The following BRCA1 variants were observed in gnomAD, a reference collection of about 807,000 sequenced individuals.
BRCA1 encodes BRCA1 DNA repair associated.
A neutral mutation model predicts 173.7 loss-of-function variants in BRCA1; 140 were observed. That is an observed-to-expected ratio of 0.81 (90% CI 0.70 to 0.93). The LOEUF is 0.93. Among genes scored for constraint, BRCA1 ranks in the 40% least tolerant of loss-of-function variants. The pLI, the probability that BRCA1 is intolerant of heterozygous loss-of-function variation, is 0.00. For missense variants in BRCA1, 1,983 were observed against 2,172.5 expected, an observed-to-expected ratio of 0.91 and a Z score of 1.73; for synonymous variants, 662 against 756.0, an observed-to-expected ratio of 0.88 and a Z score of 2.04.
intron 21 of BRCA1, 62 bp from the exon 22 acceptor site, chr17:43,047,765 T>C (rs2152821423): frequency 1.3e-6 from 2 of 1,574,294 alleles, no homozygotes; most frequent in Non-Finnish European, 1.7e-6. Context: ...GAACTGTCAC[T>C]TCATCATTTT....
At chr17:43,157,890 G>A (rs1487638767) in intron 1 of BRCA1, among the ~76,000 whole-genome samples, 2 of 151,758 alleles carry the variant, frequency 1.3e-5, no homozygotes, top group Non-Finnish European at 2.9e-5. Flanking sequence ...CAGCTACTCC[G>A]GAGGCTGAGG....
At position 43,092,823 on chromosome 17, in the gene BRCA1, C is replaced by CAT. The variant is rs80357717; in HGVS notation, c.2706_2707dup (p.Cys903TyrfsTer98). 4 of 1,613,896 alleles carry CAT rather than the reference C, an allele frequency of 2.5e-6. No homozygotes were observed. Among genetic ancestry groups the CAT allele is most frequent in the Non-Finnish European group, 2.5e-6 (3 of 1,179,970 alleles). ...TCCTTGATTTTCTTCCTTTTGTTCA[C>CAT]ATTCAAAAGTGACTTTTGGACTTTG... On this transcript the variant is annotated frameshift_variant, in exon 10 of 23. Transcript: ENST00000357654. LOFTEE classifies it high-confidence loss of function.
chr17:43,125,449 A>G (rs569113962), upstream of BRCA1: 3 of 359,672 alleles, frequency 8.3e-6, no homozygotes, highest in East Asian at 2.2e-4. Flanking sequence ...GGCTACCGCT[A>G]AGCAGCAGCC....
Position 43,045,609 on chromosome 17 carries a change from G to GA in BRCA1, c.*68_*69insT. ...ACTGAAGAGTGAGAGGAGCTCCCAG[G>GA]GCCTGGAAAGGCCACTTTGTAAGCT... On this transcript the variant is annotated 3_prime_UTR_variant, in exon 23 of 23. Coordinates refer to ENST00000357654, the MANE Select transcript of BRCA1 (RefSeq NM_007294.4). 1 of 1,601,022 alleles carries GA rather than the reference G, an allele frequency of 6.2e-7. No individual in the cohort carries two copies.
chr17:43,101,102 C>A (rs1172586410), intron 6 of BRCA1, among the ~76,000 whole-genome samples: 1 of 151,316 alleles, frequency 6.6e-6, no homozygotes. Context: ...AGTATAGGAA[C>A]GAGTATTTAA....
At chr17:43,055,644 G>A (rs904070898) in intron 19 of BRCA1, among the ~76,000 whole-genome samples, 24 of 152,296 alleles carry the variant, frequency 1.6e-4, no homozygotes, top group Admixed American at 5.9e-4. Flanking sequence ...AAACTATCTC[G>A]GTGTGGTGGC....
upstream of BRCA1, among the ~76,000 whole-genome samples, chr17:43,126,393 C>G (rs1202057906): frequency 6.6e-6 from 1 of 152,182 alleles, no homozygotes; most frequent in East Asian, 1.9e-4. Flanking sequence ...ACAGAGATAG[C>G]GGCAGAGCTG....
In BRCA1 at chr17:43,047,669, G is replaced by A. The variant is rs1398117278; in HGVS notation, c.5441C>T (p.Ala1814Val). The A allele has an allele frequency of 6.2e-7, 1 of 1,614,082 alleles. No individual in the cohort carries two copies. Among genetic ancestry groups the A allele is most frequent in the Non-Finnish European group, 8.5e-7 (1 of 1,180,050 alleles). The part of the protein sequence containing the change: ...VHPIVVVQPD[A>V]WTEDNGFHAI... Reference sequence around the variant, plus strand: ...ATGGAAGCCATTGTCCTCTGTCCAGGCATCTGGCTGCACAACCACAATTGG... The same window carrying A: ...ATGGAAGCCATTGTCCTCTGTCCAGACATCTGGCTGCACAACCACAATTGG... The change falls in exon 22 of 23, where the codon GCC becomes GTC. Residue 1814 changes from alanine to valine, a missense_variant. Ala to Val is a moderately conservative substitution (Grantham distance 64). Coordinates refer to ENST00000357654, the MANE Select transcript of BRCA1 (RefSeq NM_007294.4).
At chr17:43,076,313 T>C (rs1296541111) in intron 13 of BRCA1, among the ~76,000 whole-genome samples, 175 bp downstream of exon 13, 1 of 152,058 alleles carries the variant, frequency 6.6e-6, no homozygotes, top group African/African-American at 2.4e-5. Context: ...GCTTATGTTA[T>C]AGGTTCAAAA....
chr17:43,091,390 T>A lies in BRCA1; in HGVS notation c.4096+45A>T, dbSNP rs1203766203. The stretch of plus-strand genomic sequence containing the variant: ...CCAAAAGCATAAACATTTAGCTCAC[T>A]TCTATAAATAGACTGGGGCAAACAC... On this transcript the variant is annotated intron_variant, in intron 10 of 22. Coordinates refer to ENST00000357654, the MANE Select transcript of BRCA1 (RefSeq NM_007294.4). 1.9e-6 allele frequency: 3 copies of A among 1,609,186 alleles called. No homozygotes were observed. In the African/African-American group the frequency reaches 4.0e-5, roughly 22 times the overall value.
In BRCA1 at chr17:43,045,788, A is replaced by C. The variant is rs1060502342; in HGVS notation, c.5482T>G (p.Cys1828Gly). The C allele has an allele frequency of 6.2e-7, 1 of 1,614,188 alleles. No individual in the cohort carries two copies. The highest frequency in any genetic ancestry group is 8.5e-7 in the Non-Finnish European group (1 of 1,180,036). ...DNGFHAIGQM[C>G]EAPVVTREWV... Reference sequence around the variant, plus strand: ...TCTCGGGTCACCACAGGTGCCTCACACATCTGCCCAATTGCTGGAGACAGA... The same window carrying C: ...TCTCGGGTCACCACAGGTGCCTCACCCATCTGCCCAATTGCTGGAGACAGA... The change falls in exon 23 of 23, where the codon TGT becomes GGT. Residue 1828 changes from cysteine to glycine, a missense_variant. Coordinates refer to ENST00000357654, the MANE Select transcript of BRCA1 (RefSeq NM_007294.4).
At chr17:43,154,467 G>A (rs1282940398) in intron 1 of BRCA1, among the ~76,000 whole-genome samples, 1 of 151,992 alleles carries the variant, frequency 6.6e-6, no homozygotes, top group Non-Finnish European at 1.5e-5. Context: ...TTGGGTGACA[G>A]AGCTAGACTC....
At chr17:43,153,439 A>T (rs992226097) in intron 1 of BRCA1, among the ~76,000 whole-genome samples, 1 of 152,216 alleles carries the variant, frequency 6.6e-6, no homozygotes, top group Non-Finnish European at 1.5e-5. Flanking sequence ...GATAAACTCA[A>T]GTTGTAAAAA....
At chr17:43,051,181 G>A (rs2153092903) in intron 19 of BRCA1, 64 bp from the exon 20 acceptor site, 1 of 1,456,212 alleles carries the variant, frequency 6.9e-7, no homozygotes, top group Non-Finnish European at 9.6e-7. Flanking sequence ...AGTTATAAAA[G>A]AATATTGGCT....
chr17:43,056,682 A>T (rs1314263337), intron 19 of BRCA1, among the ~76,000 whole-genome samples: 1 of 152,038 alleles, frequency 6.6e-6, no homozygotes, highest in Non-Finnish European at 1.5e-5. Context: ...TGGGAAAAAA[A>T]AAAAGAGAGA....
At chr17:43,156,963 CT>C (rs2056201250) in intron 1 of BRCA1, among the ~76,000 whole-genome samples, 1 of 152,148 alleles carries the variant, frequency 6.6e-6, no homozygotes, top group South Asian at 2.1e-4. Context: ...ATTTTAAACA[CT>C]TTTCAAACCA....
intron 1 of BRCA1, chr17:43,138,496 T>C (rs1408525262): frequency 5.7e-5 from 36 of 630,820 alleles, no homozygotes; most frequent in South Asian, 3.8e-4. Context: ...CTCCATGCCT[T>C]CTTCTTTTGC....
At chr17:43,067,890 T>TAAAAAAAAAAAAA (rs71157702) in intron 15 of BRCA1, among the ~76,000 whole-genome samples, 195 bp from the exon 16 acceptor site, 2 of 50,112 alleles carry the variant, frequency 4.0e-5, no homozygotes, top group Non-Finnish European at 6.5e-5. Context: ...AGGCTGGAGG[T>TAAAAAAAAAAAAA]AAAAAAAAAA....
chr17:43,146,461 A>T (rs2056122577), intron 1 of BRCA1, among the ~76,000 whole-genome samples: 2 of 150,674 alleles, frequency 1.3e-5, no homozygotes, highest in Admixed American at 1.3e-4. Flanking sequence ...GGCACCCTCC[A>T]CCATGCCTGG....
Sources: gnomAD v4.1 joint callset for allele counts (sites outside exome capture counted in the v4.1 genomes callset) on GRCh38, gnomAD v4.1.1 for gene constraint, MANE v1.5 for transcripts, NCBI Gene and HGNC (gene_info 2026-07-23, HGNC 2026-07-21) for gene names.